The following CNIH3 variants were observed in gnomAD, a reference collection of about 807,000 sequenced individuals.
CNIH3 encodes the protein cornichon family AMPA receptor auxiliary protein 3.
In CNIH3, 14 loss-of-function variants were observed where a neutral mutation model predicts 24.1. The observed-to-expected ratio is 0.58, with a 90% CI of 0.38 to 0.91. CNIH3 has a LOEUF of 0.91. Among genes scored for constraint, CNIH3 ranks in the 40% least tolerant of loss-of-function variants. The pLI, the probability that CNIH3 is intolerant of heterozygous loss-of-function variation, is 0.00. For missense variants in CNIH3, 178 were observed against 196.8 expected (o/e 0.90, Z 0.57); for synonymous variants, 68 against 73.8 (o/e 0.92, Z 0.40).
intron 2 of CNIH3, among the ~76,000 whole-genome samples, chr1:224,522,354 G>A (rs1678668855): frequency 6.6e-6 from 1 of 152,172 alleles, no homozygotes; most frequent in Admixed American, 6.5e-5. Flanking sequence ...CAGAGACACT[G>A]GAAACAGAAT....
At chr1:224,569,852 C>T (rs995520607) in intron 4 of CNIH3, among the ~76,000 whole-genome samples, 6 of 152,028 alleles carry the variant, frequency 3.9e-5, no homozygotes, top group Non-Finnish European at 8.8e-5. Context: ...GGCGCGATCT[C>T]AGCTCACTGC....
intron 1 of CNIH3, among the ~76,000 whole-genome samples, chr1:224,635,751 G>C (rs1684058303): frequency 6.6e-6 from 1 of 152,194 alleles, no homozygotes; most frequent in Non-Finnish European, 1.5e-5. Context: ...GCCTGGGCTA[G>C]AGAGCAGTGG....
At chr1:224,691,655 G>C (rs1686938973) in intron 3 of CNIH3, among the ~76,000 whole-genome samples, 1 of 152,176 alleles carries the variant, frequency 6.6e-6, no homozygotes, top group African/African-American at 2.4e-5. Flanking sequence ...CTGTATTTTG[G>C]AATGGTTTGT....
At chr1:224,732,462 C>T (rs564915474) in intron 4 of CNIH3, among the ~76,000 whole-genome samples, 2 of 152,298 alleles carry the variant, frequency 1.3e-5, no homozygotes, top group South Asian at 4.2e-4. Context: ...TTCACAACAA[C>T]CAAGTGAGCT....
At chr1:224,735,010 T>C (rs915669608) in intron 5 of CNIH3, among the ~76,000 whole-genome samples, 4 of 152,136 alleles carry the variant, frequency 2.6e-5, no homozygotes, top group South Asian at 2.1e-4. Context: ...GGCTACTCCT[T>C]CTTCCCTATA....
chr1:224,636,875 A>G lies in CNIH3; in HGVS notation c.81+19620A>G, dbSNP rs79224236. On this transcript the variant is annotated intron_variant, in intron 1 of 5. Transcript: ENST00000272133. ...ATTAGAAGGTTGCTTTAAGATTTTT[A>G]TTTATCTATCATCTATCTATCTACA... Among the ~76,000 whole-genome samples, 112 of 151,588 alleles carry G rather than the reference A, an allele frequency of 7.4e-4. No individual in the cohort carries two copies. In the East Asian group the frequency reaches 0.015, roughly 20 times the overall value.
chr1:224,463,539 G>A (rs1181754449), intron 1 of CNIH3, among the ~76,000 whole-genome samples: 2 of 151,820 alleles, frequency 1.3e-5, no homozygotes, highest in Admixed American at 6.6e-5. Context: ...CTCCCGAGTA[G>A]CTGGGGTTAG....
At chr1:224,676,807 G>C (rs561704383) in intron 1 of CNIH3, among the ~76,000 whole-genome samples, 1 of 152,198 alleles carries the variant, frequency 6.6e-6, no homozygotes, top group Non-Finnish European at 1.5e-5. Flanking sequence ...AGTGGGGCCC[G>C]TGGCTTCTAT....
At chr1:224,520,197 T>C (rs111996379) in intron 1 of CNIH3, among the ~76,000 whole-genome samples, 51 of 152,342 alleles carry the variant, frequency 3.3e-4, no homozygotes, top group African/African-American at 1.0e-3. Context: ...CTACACTTTG[T>C]GAAAGTACAT....
At chr1:224,453,414 C>T (rs1312075015) in intron 1 of CNIH3, among the ~76,000 whole-genome samples, 2 of 151,892 alleles carry the variant, frequency 1.3e-5, no homozygotes, top group African/African-American at 4.8e-5. Flanking sequence ...TCTTGAACTC[C>T]TAGGCTCAAG....
At chr1:224,696,552 G>C (rs1192632442) in intron 3 of CNIH3, among the ~76,000 whole-genome samples, 1 of 152,196 alleles carries the variant, frequency 6.6e-6, no homozygotes. Context: ...ATGTGAGGTG[G>C]GAGAGGAGCA....
chr1:224,705,417 A>C (rs1474838816), intron 3 of CNIH3, among the ~76,000 whole-genome samples: 1 of 152,238 alleles, frequency 6.6e-6, no homozygotes, highest in Non-Finnish European at 1.5e-5. Context: ...TGTGCCTTCC[A>C]TGCACAGCCC....
At chr1:224,581,697 T>A (rs560824116) in intron 4 of CNIH3, among the ~76,000 whole-genome samples, 32 of 152,352 alleles carry the variant, frequency 2.1e-4, no homozygotes, top group African/African-American at 6.5e-4. Flanking sequence ...GAGCCCATTA[T>A]TTTGTTATTG....
At chr1:224,457,027 T>C (rs1307538642) in intron 1 of CNIH3, among the ~76,000 whole-genome samples, 3 of 152,206 alleles carry the variant, frequency 2.0e-5, no homozygotes, top group Non-Finnish European at 4.4e-5. Flanking sequence ...TAACTGCCCC[T>C]GGACGACAGC....
chr1:224,434,808 C>A (rs1290413143), exon 1 of CNIH3: 14 of 986,114 alleles, frequency 1.4e-5, no homozygotes, highest in East Asian at 1.1e-4. Context: ...GGAGTCCAGG[C>A]GCTCGCGTCA....
At chr1:224,663,993 C>T (rs1685481136) in intron 1 of CNIH3, among the ~76,000 whole-genome samples, 1 of 152,132 alleles carries the variant, frequency 6.6e-6, no homozygotes, top group Non-Finnish European at 1.5e-5. Context: ...GCTTGCTGCA[C>T]AGAAAGCCAA....
chr1:224,605,013 G>C (rs890045435), intron 3 of CNIH3, among the ~76,000 whole-genome samples: 2 of 152,216 alleles, frequency 1.3e-5, no homozygotes, highest in Non-Finnish European at 2.9e-5. Context: ...AATGGGGAAT[G>C]TGTGTGACTG....
intron 1 of CNIH3, among the ~76,000 whole-genome samples, chr1:224,504,544 C>G (rs1056504247): frequency 6.6e-6 from 1 of 151,948 alleles, no homozygotes; most frequent in African/African-American, 2.4e-5. Context: ...CTCCCCTCCC[C>G]TCTCCTCCCC....
At chr1:224,595,126 A>G (rs1211782536) in intron 3 of CNIH3, among the ~76,000 whole-genome samples, 2 of 152,192 alleles carry the variant, frequency 1.3e-5, no homozygotes, top group Non-Finnish European at 2.9e-5. Context: ...AGCTCACTGT[A>G]GCCTTGAACT....
Sources: gnomAD v4.1 joint callset for allele counts (sites outside exome capture counted in the v4.1 genomes callset) on GRCh38, gnomAD v4.1.1 for gene constraint, MANE v1.5 for transcripts, NCBI Gene and HGNC (gene_info 2026-07-23, HGNC 2026-07-21) for gene names.